The following TRIM22 variants were observed in gnomAD, a reference collection of about 807,000 sequenced individuals.
TRIM22 encodes tripartite motif containing 22.
TRIM22 carries 45 observed loss-of-function variants against 53.6 expected under a neutral mutation model. The observed-to-expected ratio is 0.84, with a 90% CI of 0.66 to 1.08. The LOEUF is 1.08. TRIM22 is among the 50% of genes least tolerant of loss of function. The probability of loss-of-function intolerance (pLI) is 0.00; values close to 1 mark genes in which losing one functional copy is unlikely to be tolerated. For missense variants in TRIM22, 616 were observed against 590.9 expected (o/e 1.04, Z -0.44); for synonymous variants, 225 against 216.6 (o/e 1.04, Z -0.34).
At chr11:5,693,076 G>A (rs1463714678) in intron 1 of TRIM22, among the ~76,000 whole-genome samples, 1 of 151,382 alleles carries the variant, frequency 6.6e-6, no homozygotes, top group African/African-American at 2.4e-5. Flanking sequence ...TAGTAGATAC[G>A]GGGTCTCACC....
At chr11:5,693,178 C>G (rs1392361211) in intron 1 of TRIM22, among the ~76,000 whole-genome samples, 1 of 140,780 alleles carries the variant, frequency 7.1e-6, no homozygotes, top group Non-Finnish European at 1.5e-5. Flanking sequence ...TGAGCCACAG[C>G]GCCTGGCCAT....
chr11:5,700,830 G>C (rs1246515209), intron 4 of TRIM22, among the ~76,000 whole-genome samples: 1 of 151,646 alleles, frequency 6.6e-6, no homozygotes, highest in Non-Finnish European at 1.5e-5. Flanking sequence ...TGCCATGTTG[G>C]GCAGGCTGGT....
rs1056296103 is a variant in TRIM22, at chr11:5,698,235, C to T, written c.520-80C>T. ...TGAGAACTCCCTGAGGAAAACTGTTCTTATCCTGTCTCCCAGGCTCATACA... is the reference window on the plus strand; with the variant it reads ...TGAGAACTCCCTGAGGAAAACTGTTTTTATCCTGTCTCCCAGGCTCATACA... On this transcript the variant is annotated intron_variant, in intron 3 of 7. Coordinates refer to ENST00000379965, the MANE Select transcript of TRIM22 (RefSeq NM_006074.5). 3.4e-6 allele frequency: 4 copies of T among 1,168,694 alleles called. No individual in the cohort carries two copies. In the African/African-American group the frequency reaches 4.5e-5, roughly 13 times the overall value. The allele number at this position is 1,168,694 out of a possible 1,614,324, so 72.4% of individuals were successfully genotyped here.
At chr11:5,704,316 C>G (rs1025494667) in intron 4 of TRIM22, among the ~76,000 whole-genome samples, 4 of 151,898 alleles carry the variant, frequency 2.6e-5, no homozygotes, top group Non-Finnish European at 4.4e-5. Flanking sequence ...GTGGTGAAAC[C>G]ACACACGCTA....
chr11:5,689,813 C>G lies in TRIM22; in HGVS notation c.-153C>G, dbSNP rs1026691041. On this transcript the variant is annotated 5_prime_UTR_variant, in exon 1 of 8. Transcript: ENST00000379965. ...TCATTTGTGGAGACCAGCCCTCTGG[C>G]TTGGTGAGTGAATCTGGTTTACACC... 6.6e-6 allele frequency: 1 copy of G among 152,254 alleles called. No homozygotes were observed. Among genetic ancestry groups the G allele is most frequent in the African/African-American group, 2.4e-5 (1 of 41,454 alleles). 9.4% of individuals were successfully genotyped at this position (152,254 alleles called of 1,614,324 possible).
chr11:5,708,829 G>A (rs1412372663), intron 7 of TRIM22, among the ~76,000 whole-genome samples: 1 of 151,662 alleles, frequency 6.6e-6, no homozygotes, highest in African/African-American at 2.4e-5. Flanking sequence ...CGATTCTGCT[G>A]CCTCAGCCTC....
chr11:5,708,718 T>TTC, intron 7 of TRIM22, 115 bp downstream of exon 7: 1 of 196,620 alleles, frequency 5.1e-6, no homozygotes, highest in Non-Finnish European at 7.2e-6. Context: ...ATGTAGTTCT[T>TTC]TTTTTTTTTT....
intron 1 of TRIM22, among the ~76,000 whole-genome samples, chr11:5,693,058 A>AT (rs1327893146): frequency 1.5e-4 from 23 of 150,902 alleles, no homozygotes; most frequent in Middle Eastern, 3.4e-3. Flanking sequence ...GTATATATAT[A>AT]TATTTTTTAG....
In TRIM22 at chr11:5,709,236, CT is replaced by C; in HGVS notation, c.1086del (p.Gly363GlufsTer13). On this transcript the variant is annotated frameshift_variant, in exon 8 of 8. Transcript: ENST00000379965. LOFTEE classifies it high-confidence loss of function. ...AAATATTACTGGGAAGTAGATGTGT[CT>C]GGAAAGATTGCCTGGATCCTGGGCG... ...SGKYYWEVDV[S>X]GKIAWILGVH... The C allele has an allele frequency of 6.2e-7, 1 of 1,614,130 alleles. No homozygotes were observed. Among genetic ancestry groups the C allele is most frequent in the Non-Finnish European group, 8.5e-7 (1 of 1,180,026 alleles).
At chr11:5,707,197 G>A (rs565414633) in intron 5 of TRIM22, among the ~76,000 whole-genome samples, 1 of 152,136 alleles carries the variant, frequency 6.6e-6, no homozygotes, top group East Asian at 1.9e-4. Context: ...CAACATCAAA[G>A]TTTTTTTAAA....
intron 3 of TRIM22, chr11:5,697,598 G>C (rs1312249443): frequency 2.6e-6 from 1 of 386,812 alleles, no homozygotes; most frequent in African/African-American, 2.0e-5. Context: ...TGAATCCTGT[G>C]TTCCATTTGT....
At chr11:5,699,521 A>G (rs1469179120) in intron 4 of TRIM22, among the ~76,000 whole-genome samples, 1 of 99,896 alleles carries the variant, frequency 1.0e-5, no homozygotes, top group Non-Finnish European at 1.8e-5. Context: ...ACAGAGCGAG[A>G]CTCCGTCTCA....
chr11:5,692,470 G>T (rs1000764078), intron 1 of TRIM22, among the ~76,000 whole-genome samples: 2 of 152,162 alleles, frequency 1.3e-5, no homozygotes, highest in South Asian at 2.1e-4. Flanking sequence ...TTGGAAAAAG[G>T]GTCATTACTT....
chr11:5,708,927 C>A, intron 7 of TRIM22, 126 bp from the exon 8 acceptor site: 1 of 770,816 alleles, frequency 1.3e-6, no homozygotes, highest in Non-Finnish European at 2.1e-6. Context: ...GTCCTACTAA[C>A]CTCTGACTAT....
At chr11:5,708,506 T>A in intron 6 of TRIM22, 71 bp from the exon 7 acceptor site, 1 of 1,444,716 alleles carries the variant, frequency 6.9e-7, no homozygotes, top group Non-Finnish European at 9.5e-7. Flanking sequence ...TTCCCTACTC[T>A]GGAGAAGAGA....
chr11:5,693,655 G>T (rs1200928901), intron 1 of TRIM22, among the ~76,000 whole-genome samples: 1 of 147,624 alleles, frequency 6.8e-6, no homozygotes, highest in Non-Finnish European at 1.5e-5. Flanking sequence ...CCGAGAGGCG[G>T]AGCTGGCAAG....
intron 1 of TRIM22, among the ~76,000 whole-genome samples, chr11:5,693,264 A>C (rs117669603): frequency 0.069 from 10,285 of 149,550 alleles, 438 homozygotes; most frequent in Non-Finnish European, 0.094. Context: ...GAGTATTCTG[A>C]AACAAGGAAG....
chr11:5,698,610 T>A, intron 4 of TRIM22, 65 bp downstream of exon 4: 1 of 1,334,472 alleles, frequency 7.5e-7, no homozygotes, highest in African/African-American at 1.4e-5. Context: ...CGATTTTCCT[T>A]CCCTTCCCAG....
At chr11:5,701,589 C>T (rs1180679041) in intron 4 of TRIM22, among the ~76,000 whole-genome samples, 1 of 152,120 alleles carries the variant, frequency 6.6e-6, no homozygotes, top group Non-Finnish European at 1.5e-5. Flanking sequence ...ATATAGTGTG[C>T]TGTTCAGGTA....
Sources: gnomAD v4.1 joint callset for allele counts (sites outside exome capture counted in the v4.1 genomes callset) on GRCh38, gnomAD v4.1.1 for gene constraint, MANE v1.5 for transcripts, NCBI Gene and HGNC (gene_info 2026-07-23, HGNC 2026-07-21) for gene names.